The following BMPR2 variants were observed in gnomAD, a reference collection of about 807,000 sequenced individuals.
The protein encoded by BMPR2 is bone morphogenetic protein receptor type-2.
BMPR2 carries 29 observed loss-of-function variants against 100.8 expected under a neutral mutation model. The ratio of observed to expected loss-of-function variants is 0.29; its 90% confidence interval spans 0.21 to 0.39. The LOEUF is 0.39. BMPR2 is among the 10% of genes least tolerant of loss of function. The probability of loss-of-function intolerance (pLI) is 1.00; values close to 1 mark genes in which losing one functional copy is unlikely to be tolerated. For synonymous variants in BMPR2, 382 were observed against 442.3 expected, an observed-to-expected ratio of 0.86 and a Z score of 1.71; for missense variants, 1,011 against 1,274.5, an observed-to-expected ratio of 0.79 and a Z score of 3.15.
In BMPR2 at chr2:202,503,390, C is replaced by T. The variant is rs957610972; in HGVS notation, c.419-10329C>T. 2.0e-5 allele frequency among the ~76,000 whole-genome samples: 3 copies of T among 152,226 alleles called. No individual in the cohort carries two copies. The highest frequency in any genetic ancestry group is 6.5e-5 in the Admixed American group (1 of 15,288). On this transcript the variant is annotated intron_variant, in intron 3 of 12. Coordinates refer to ENST00000374580, the MANE Select transcript of BMPR2 (RefSeq NM_001204.7). The surrounding 1 kb of genome is among the most constrained non-coding windows in gnomAD (Gnocchi z 4.0). ...TTGCAGGGAGGTGTGGAGGGAGAGGCGCAAGCAGGAACCGGGGCGGCGTGC... is the reference window on the plus strand; with the variant it reads ...TTGCAGGGAGGTGTGGAGGGAGAGGTGCAAGCAGGAACCGGGGCGGCGTGC...
At chr2:202,558,331 C>G (rs1688618588) in intron 12 of BMPR2, among the ~76,000 whole-genome samples, 1 of 151,928 alleles carries the variant, frequency 6.6e-6, no homozygotes, top group South Asian at 2.1e-4. Context: ...AGGCTGGTCT[C>G]GAACACTGGA....
chr2:202,500,322 T>G (rs1442730827), intron 3 of BMPR2, among the ~76,000 whole-genome samples: 2 of 152,330 alleles, frequency 1.3e-5, no homozygotes, highest in South Asian at 2.1e-4. Context: ...TGGGAGACTT[T>G]GCTCTTTTCA....
chr2:202,543,224 A>ATATATATATTTATATACATATATATTTG, intron 10 of BMPR2, among the ~76,000 whole-genome samples: 2 of 146,840 alleles, frequency 1.4e-5, no homozygotes, highest in African/African-American at 2.5e-5. Flanking sequence ...ATATATATTT[A>ATATATATATTTATATACATATATATTTG]TATATATATT....
chr2:202,531,128 C>A (rs143140089), intron 8 of BMPR2, among the ~76,000 whole-genome samples, 174 bp downstream of exon 8: 2 of 152,132 alleles, frequency 1.3e-5, no homozygotes, highest in African/African-American at 4.8e-5. Context: ...CATGGCGAAA[C>A]CCCGTCTCTA....
At chr2:202,422,973 C>T (rs766887034) in intron 1 of BMPR2, among the ~76,000 whole-genome samples, 4 of 152,110 alleles carry the variant, frequency 2.6e-5, no homozygotes, top group Non-Finnish European at 5.9e-5. Flanking sequence ...CCACTGCACC[C>T]GGCCTGTATA....
intron 1 of BMPR2, among the ~76,000 whole-genome samples, chr2:202,460,996 A>G (rs889762424): frequency 7.2e-5 from 11 of 151,908 alleles, no homozygotes; most frequent in Non-Finnish European, 1.2e-4. Context: ...GACTGCAGGC[A>G]TGCACTACCA....
intron 1 of BMPR2, among the ~76,000 whole-genome samples, chr2:202,393,348 A>C (rs1316364096): frequency 6.6e-6 from 1 of 152,152 alleles, no homozygotes; most frequent in Non-Finnish European, 1.5e-5. Context: ...CTCCACCCAA[A>C]CTGCCCCAGC....
intron 3 of BMPR2, among the ~76,000 whole-genome samples, chr2:202,501,263 T>A (rs749074424): frequency 5.3e-5 from 8 of 152,150 alleles, no homozygotes; most frequent in Non-Finnish European, 8.8e-5. Flanking sequence ...ATTAAAACAT[T>A]TGAGGGGGTT....
At chr2:202,473,103 C>T (rs951535330) in intron 3 of BMPR2, among the ~76,000 whole-genome samples, 1 of 152,030 alleles carries the variant, frequency 6.6e-6, no homozygotes, top group African/African-American at 2.4e-5. Flanking sequence ...TGCTCATGGC[C>T]ATATAACAAT....
intron 1 of BMPR2, among the ~76,000 whole-genome samples, chr2:202,441,105 C>T (rs1173341278): frequency 6.7e-6 from 1 of 149,896 alleles, no homozygotes; most frequent in Non-Finnish European, 1.5e-5. Flanking sequence ...CTCAGCCTCC[C>T]GAGTAGCTGG....
chr2:202,544,666 C>CT (rs1319642928), intron 10 of BMPR2, among the ~76,000 whole-genome samples: 20 of 151,226 alleles, frequency 1.3e-4, no homozygotes, highest in Non-Finnish European at 2.7e-4. Context: ...AGGCATGGAT[C>CT]TTTACACACA....
At chr2:202,491,148 C>T (rs1328291653) in intron 3 of BMPR2, among the ~76,000 whole-genome samples, 1 of 152,108 alleles carries the variant, frequency 6.6e-6, no homozygotes, top group Non-Finnish European at 1.5e-5. Flanking sequence ...TCTGGAACTC[C>T]TGGGCTCAAG....
At chr2:202,487,368 C>T (rs901109470) in intron 3 of BMPR2, among the ~76,000 whole-genome samples, 4 of 152,092 alleles carry the variant, frequency 2.6e-5, no homozygotes, top group Non-Finnish European at 5.9e-5. Flanking sequence ...CAGATTCATA[C>T]ATCAGAGTTA....
At chr2:202,505,539 A>G (rs1363772822) in intron 3 of BMPR2, among the ~76,000 whole-genome samples, 3 of 151,986 alleles carry the variant, frequency 2.0e-5, no homozygotes, top group Non-Finnish European at 4.4e-5. Context: ...CAACTTTTGT[A>G]ACCACTTGCT....
chr2:202,540,201 G>A (rs996326125), intron 9 of BMPR2, among the ~76,000 whole-genome samples: 1 of 151,988 alleles, frequency 6.6e-6, no homozygotes, highest in Non-Finnish European at 1.5e-5. Flanking sequence ...GAGTGAAATT[G>A]TGAATTTTTA....
At chr2:202,516,726 T>G (rs1687720276) in intron 5 of BMPR2, among the ~76,000 whole-genome samples, 1 of 152,096 alleles carries the variant, frequency 6.6e-6, no homozygotes, top group African/African-American at 2.4e-5. Flanking sequence ...CAGTAAGATG[T>G]CCAATTTACA....
rs866451783 is a variant in BMPR2, at chr2:202,524,378, C to A, written c.967+4177C>A. Among the ~76,000 whole-genome samples, 1,100 of 130,484 alleles carry A rather than the reference C, an allele frequency of 8.4e-3. 13 individuals are homozygous for A. Among genetic ancestry groups the A allele is most frequent in the African/African-American group, 0.024 (860 of 36,378 alleles). 85.6% of individuals were successfully genotyped at this position (130,484 alleles called of 152,430 possible). A position where few individuals can be genotyped will look rare whatever the true frequency, so the allele number is the denominator to read the frequency against. ...GTCTGTCTCAAAAAAAAAAAAAAAA[C>A]AACTACCTGTTGGGTACTATGCTCA... On this transcript the variant is annotated intron_variant, in intron 7 of 12. Coordinates refer to ENST00000374580, the MANE Select transcript of BMPR2 (RefSeq NM_001204.7).
At chr2:202,446,270 A>G (rs1482799597) in intron 1 of BMPR2, among the ~76,000 whole-genome samples, 1 of 150,002 alleles carries the variant, frequency 6.7e-6, no homozygotes, top group Non-Finnish European at 1.5e-5. Flanking sequence ...ATGGTGGCGC[A>G]TGCCTGTAAT....
intron 9 of BMPR2, among the ~76,000 whole-genome samples, chr2:202,536,449 A>T (rs964487900): frequency 1.3e-5 from 2 of 152,194 alleles, no homozygotes; most frequent in Non-Finnish European, 2.9e-5. Context: ...ATAATGAAAT[A>T]AATCAGTGAT....
Sources: allele counts gnomAD v4.1 joint callset (sites outside exome capture counted in the v4.1 genomes callset), GRCh38; gene constraint gnomAD v4.1.1; non-coding constraint Gnocchi (gnomAD v3.1); transcripts MANE v1.5; gene names NCBI Gene and HGNC (gene_info 2026-07-23, HGNC 2026-07-21).